The following STON2 variants were observed in gnomAD, a reference collection of about 807,000 sequenced individuals.
The protein encoded by STON2 is stonin 2.
In STON2, 29 loss-of-function variants were observed where a neutral mutation model predicts 65.7. The observed-to-expected ratio is 0.44, with a 90% CI of 0.33 to 0.60. STON2 has a LOEUF of 0.60. Among genes scored for constraint, STON2 ranks in the 20% least tolerant of loss-of-function variants. STON2 has a pLI of 0.03. For missense variants in STON2, 1,054 were observed against 1,118.1 expected, an observed-to-expected ratio of 0.94 and a Z score of 0.82; for synonymous variants, 404 against 414.2, an observed-to-expected ratio of 0.98 and a Z score of 0.30.
intron 2 of STON2, among the ~76,000 whole-genome samples, chr14:81,408,907 T>A (rs1402383943): frequency 6.6e-6 from 1 of 152,242 alleles, no homozygotes; most frequent in Non-Finnish European, 1.5e-5. Context: ...TTCCAGTTCC[T>A]TGAACTCTTA....
chr14:81,282,496 T>C (rs552428763), intron 5 of STON2, among the ~76,000 whole-genome samples: 1 of 152,286 alleles, frequency 6.6e-6, no homozygotes, highest in East Asian at 1.9e-4. Flanking sequence ...TGTAGGCTGT[T>C]CTTAGTACTA....
At chr14:81,302,247 G>A (rs1020140025) in intron 5 of STON2, among the ~76,000 whole-genome samples, 3 of 152,196 alleles carry the variant, frequency 2.0e-5, no homozygotes, top group Admixed American at 1.3e-4. Flanking sequence ...ACCCCTATCT[G>A]TCTACAAATT....
intron 6 of STON2, among the ~76,000 whole-genome samples, chr14:81,271,192 G>A (rs1368068549): frequency 6.6e-6 from 1 of 152,174 alleles, no homozygotes; most frequent in Non-Finnish European, 1.5e-5. Context: ...AAGAAATAAG[G>A]GGTAAGGATG....
rs564887356 is a variant in STON2 at position 81,369,161 on chromosome 14, C to T, written c.571+1827G>A. On this transcript the variant is annotated intron_variant, in intron 4 of 7. Transcript: ENST00000614646. ...CAGTCCCTTTTCTATGATTCCAGCG[C>T]TTGCTTTCTCTGTAGGTGGTCCCTT... Among the ~76,000 whole-genome samples the T allele has an allele frequency of 1.5e-3, 235 of 152,238 alleles. 1 individual carries two copies. The highest frequency in any genetic ancestry group is 5.3e-3 in the African/African-American group (222 of 41,546).
chr14:81,433,703 T>C (rs1433599674), intron 1 of STON2, among the ~76,000 whole-genome samples: 1 of 152,188 alleles, frequency 6.6e-6, no homozygotes, highest in Non-Finnish European at 1.5e-5. Context: ...TTTCCCTTTG[T>C]CATAAATAAG....
chr14:81,348,686 TAG>T (rs1303623667), intron 4 of STON2, among the ~76,000 whole-genome samples: 1 of 152,076 alleles, frequency 6.6e-6, no homozygotes, highest in Non-Finnish European at 1.5e-5. Context: ...AAGCAATCTA[TAG>T]AGTCAATGTA....
At chr14:81,304,376 A>C (rs150817129) in intron 5 of STON2, among the ~76,000 whole-genome samples, 42 of 152,298 alleles carry the variant, frequency 2.8e-4, no homozygotes, top group African/African-American at 8.4e-4. Context: ...CTTACAGATG[A>C]CAAAACTAAA....
intron 4 of STON2, among the ~76,000 whole-genome samples, chr14:81,369,144 T>A (rs1417214153): frequency 6.6e-6 from 1 of 152,152 alleles, no homozygotes; most frequent in Non-Finnish European, 1.5e-5. Flanking sequence ...GGCAGTCCCT[T>A]TTCTATGATT....
intron 6 of STON2, among the ~76,000 whole-genome samples, chr14:81,271,602 T>C (rs982800798): frequency 6.6e-6 from 1 of 152,178 alleles, no homozygotes; most frequent in African/African-American, 2.4e-5. Flanking sequence ...GGCTGGGCAA[T>C]GCCAGGCACA....
At chr14:81,301,860 G>A (rs1436603196) in intron 5 of STON2, among the ~76,000 whole-genome samples, 1 of 152,006 alleles carries the variant, frequency 6.6e-6, no homozygotes, top group East Asian at 1.9e-4. Context: ...ATCTCCTATT[G>A]TAGATTTGTC....
At chr14:81,371,798 A>G (rs1425128443) in intron 3 of STON2, among the ~76,000 whole-genome samples, 1 of 152,188 alleles carries the variant, frequency 6.6e-6, no homozygotes, top group African/African-American at 2.4e-5. Context: ...CTTAGATTTC[A>G]GCTTTTTTCA....
At chr14:81,410,307 A>G (rs892485824) in intron 2 of STON2, among the ~76,000 whole-genome samples, 2 of 137,736 alleles carry the variant, frequency 1.5e-5, no homozygotes, top group Admixed American at 1.5e-4. Context: ...AAAAAAAAAA[A>G]CAGAAGAGAT....
intron 4 of STON2, among the ~76,000 whole-genome samples, chr14:81,359,222 C>G (rs948057666): frequency 2.0e-5 from 3 of 152,134 alleles, no homozygotes; most frequent in African/African-American, 7.2e-5. Context: ...AAATGGAAAT[C>G]AATCACATGG....
intron 4 of STON2, among the ~76,000 whole-genome samples, chr14:81,368,083 A>G (rs1333771199): frequency 6.6e-6 from 1 of 152,160 alleles, no homozygotes; most frequent in Admixed American, 6.6e-5. Flanking sequence ...TATATTAAAA[A>G]TAAGCCAAGG....
At chr14:81,314,324 G>A (rs1896543931) in intron 5 of STON2, among the ~76,000 whole-genome samples, 1 of 152,210 alleles carries the variant, frequency 6.6e-6, no homozygotes, top group African/African-American at 2.4e-5. Flanking sequence ...AGTGATGGGG[G>A]CCCTTGAAAT....
intron 1 of STON2, among the ~76,000 whole-genome samples, chr14:81,433,764 G>A (rs192295443): frequency 6.6e-6 from 1 of 152,306 alleles, no homozygotes. Flanking sequence ...GTGGGTCCCA[G>A]AATGATGACA....
intron 4 of STON2, among the ~76,000 whole-genome samples, chr14:81,324,579 G>A (rs1896940520): frequency 6.6e-6 from 1 of 152,236 alleles, no homozygotes; most frequent in Admixed American, 6.5e-5. Flanking sequence ...GGAAGAGCCT[G>A]GAGCAAGCAA....
At chr14:81,366,950 A>G (rs1207664078) in intron 4 of STON2, among the ~76,000 whole-genome samples, 1 of 152,126 alleles carries the variant, frequency 6.6e-6, no homozygotes, top group African/African-American at 2.4e-5. Context: ...AAAGCTCTGA[A>G]GAAATGACTT....
intron 4 of STON2, among the ~76,000 whole-genome samples, chr14:81,361,284 T>C (rs1000590053): frequency 6.6e-6 from 1 of 152,102 alleles, no homozygotes; most frequent in Non-Finnish European, 1.5e-5. Context: ...TAAAAGAGCA[T>C]GATACTAGCA....
Sources: allele counts gnomAD v4.1 joint callset (sites outside exome capture counted in the v4.1 genomes callset), GRCh38; gene constraint gnomAD v4.1.1; transcripts MANE v1.5; gene names NCBI Gene and HGNC (gene_info 2026-07-23, HGNC 2026-07-21).